STK40: variants seen among roughly 807,000 people sequenced by gnomAD.
The protein encoded by STK40 is serine/threonine kinase 40, also known as serine/threonine-protein kinase 40.
A neutral mutation model predicts 47.9 loss-of-function variants in STK40; 13 were observed. The observed-to-expected ratio is 0.27, with a 90% CI of 0.18 to 0.43. The LOEUF (loss-of-function observed/expected upper bound fraction) is 0.43, where lower values mean the gene tolerates loss of function less well. STK40 is among the 20% of genes least tolerant of loss of function. The pLI is 1.00. For synonymous variants in STK40, 225 were observed against 243.2 expected, an observed-to-expected ratio of 0.93 and a Z score of 0.69; for missense variants, 460 against 595.1, an observed-to-expected ratio of 0.77 and a Z score of 2.36.
intron 6 of STK40, among the ~76,000 whole-genome samples, chr1:36,352,182 G>T (rs536635035): frequency 9.2e-5 from 14 of 152,280 alleles, no homozygotes; most frequent in African/African-American, 3.4e-4. Context: ...CTCACCAGGG[G>T]TGTCCTCGTT....
chr1:36,356,933 G>T (rs1646811226), intron 4 of STK40, among the ~76,000 whole-genome samples: 1 of 152,128 alleles, frequency 6.6e-6, no homozygotes, highest in South Asian at 2.1e-4. Flanking sequence ...TGTTTATGGG[G>T]ATACTCTAAT....
intron 4 of STK40, among the ~76,000 whole-genome samples, chr1:36,355,710 AT>A (rs1292924327): frequency 6.6e-6 from 1 of 152,230 alleles, no homozygotes; most frequent in South Asian, 2.1e-4. Context: ...AATGCAAAGG[AT>A]TCAGATCAGG....
At chr1:36,361,166 G>A (rs1646848981) in intron 2 of STK40, 55 bp downstream of exon 2, 6 of 1,601,824 alleles carry the variant, frequency 3.7e-6, no homozygotes, top group Non-Finnish European at 4.3e-6. Context: ...GCGAGCCAAT[G>A]TGCCCTGCCC....
At chr1:36,360,277 T>C (rs911100294) in intron 2 of STK40, among the ~76,000 whole-genome samples, 2 of 152,180 alleles carry the variant, frequency 1.3e-5, no homozygotes, top group African/African-American at 4.8e-5. Context: ...TGTCCCAAAG[T>C]AAAACTCACG....
At chr1:36,360,196 A>G (rs1378674670) in intron 2 of STK40, among the ~76,000 whole-genome samples, 1 of 152,220 alleles carries the variant, frequency 6.6e-6, no homozygotes, top group Non-Finnish European at 1.5e-5. Flanking sequence ...GGCACGTAGT[A>G]GGTACACACC....
intron 1 of STK40, among the ~76,000 whole-genome samples, chr1:36,369,617 G>A (rs917043458): frequency 6.6e-6 from 1 of 152,204 alleles, no homozygotes; most frequent in African/African-American, 2.4e-5. Flanking sequence ...ACCTGCTGCA[G>A]AAAGTCTTCA....
At chr1:36,380,263 C>T (rs1045149227) in intron 1 of STK40, among the ~76,000 whole-genome samples, 2 of 152,184 alleles carry the variant, frequency 1.3e-5, no homozygotes, top group African/African-American at 4.8e-5. Context: ...ACTTTCTTTA[C>T]ACCACAAACC....
At chr1:36,379,299 C>T (rs572775422) in intron 1 of STK40, among the ~76,000 whole-genome samples, 30 of 152,210 alleles carry the variant, frequency 2.0e-4, no homozygotes, top group African/African-American at 6.3e-4. Flanking sequence ...CCTTTGAAAC[C>T]GTCAGGCCTG....
rs781415766 is a variant in STK40, at chr1:36,341,889, T to C, written c.1174A>G (p.Ile392Val). 4 of 1,614,048 alleles carry C rather than the reference T, an allele frequency of 2.5e-6. No individual in the cohort carries two copies. The highest frequency in any genetic ancestry group is 3.4e-6 in the Non-Finnish European group (4 of 1,179,986). The change falls in exon 11 of 11, where the codon ATC becomes GTC. Residue 392 changes from isoleucine to valine, a missense_variant. Around this residue, in one of 3 missense-constraint regions of STK40, gnomAD observed 181 missense variants for 218.9 expected, o/e 0.83. Transcript: ENST00000373132. ...GGTACCCAGCTCCGGGCGTCATGGA[T>C]GGAGCTCTTCTCCTCGGCCAGCAGC... ...QLLLAEEKSS[I>V]HDARSWVPKR...
At chr1:36,356,679 C>T (rs903909507) in intron 4 of STK40, among the ~76,000 whole-genome samples, 2 of 152,092 alleles carry the variant, frequency 1.3e-5, no homozygotes, top group Non-Finnish European at 2.9e-5. Flanking sequence ...CCCGCCTTAG[C>T]CTCCCAAAGT....
intron 1 of STK40, among the ~76,000 whole-genome samples, chr1:36,364,619 GAC>G (rs1368427067): frequency 2.6e-5 from 4 of 151,686 alleles, no homozygotes; most frequent in Non-Finnish European, 4.4e-5. Context: ...GGATGTAACT[GAC>G]ATATAGCTTT....
At chr1:36,369,634 G>T in intron 1 of STK40, among the ~76,000 whole-genome samples, 1 of 152,262 alleles carries the variant, frequency 6.6e-6, no homozygotes, top group Middle Eastern at 3.4e-3. Flanking sequence ...TTCACAGAAG[G>T]CCTCCTGCCA....
chr1:36,358,942 G>A, intron 2 of STK40, 120 bp from the exon 3 acceptor site: 2 of 1,064,554 alleles, frequency 1.9e-6, no homozygotes, highest in Middle Eastern at 2.1e-4. Context: ...CATGTGTACT[G>A]GACTGACCCT....
intron 7 of STK40, among the ~76,000 whole-genome samples, chr1:36,347,101 C>T (rs961659923): frequency 2.6e-5 from 4 of 151,436 alleles, no homozygotes; most frequent in African/African-American, 7.3e-5. Context: ...GCCCTGGGGA[C>T]AGGCCTGGCT....
chr1:36,372,895 A>G (rs1454350965), intron 1 of STK40: 3 of 152,088 alleles, frequency 2.0e-5, no homozygotes, highest in African/African-American at 7.2e-5. Context: ...TGCACTTAAT[A>G]CTCACATGTA....
chr1:36,372,644 C>T (rs1646959772), intron 1 of STK40: 1 of 152,134 alleles, frequency 6.6e-6, no homozygotes, highest in African/African-American at 2.4e-5. Context: ...CAAGCACAGA[C>T]TTACTTATAA....
chr1:36,356,668 G>T (rs553654634), intron 4 of STK40, among the ~76,000 whole-genome samples: 5 of 151,876 alleles, frequency 3.3e-5, no homozygotes, highest in African/African-American at 7.3e-5. Context: ...CTCATGATCC[G>T]CCCGCCTTAG....
At chr1:36,356,703 G>C (rs1646809292) in intron 4 of STK40, among the ~76,000 whole-genome samples, 1 of 152,082 alleles carries the variant, frequency 6.6e-6, no homozygotes, top group African/African-American at 2.4e-5. Context: ...GGGTTTACAG[G>C]CATAAGCTAC....
At chr1:36,367,207 C>T (rs1646910269) in intron 1 of STK40, among the ~76,000 whole-genome samples, 1 of 152,088 alleles carries the variant, frequency 6.6e-6, no homozygotes, top group African/African-American at 2.4e-5. Context: ...CTGAACTCAA[C>T]AGGAAGCTCA....
Sources: gnomAD v4.1 joint callset for allele counts (sites outside exome capture counted in the v4.1 genomes callset) on GRCh38, gnomAD v4.1.1 for gene constraint, gnomAD v4.1.1 regional missense constraint, MANE v1.5 for transcripts, NCBI Gene and HGNC (gene_info 2026-07-23, HGNC 2026-07-21) for gene names.